Variants in NDOR1 observed in about 807,000 individuals in gnomAD.
The protein encoded by NDOR1 is NADPH-dependent diflavin oxidoreductase 1.
Under a neutral mutation model 67.2 loss-of-function variants are expected in NDOR1, and 61 were observed. The ratio of observed to expected loss-of-function variants is 0.91; its 90% confidence interval spans 0.74 to 1.12. NDOR1 has a LOEUF of 1.12. NDOR1 is among the 50% of genes most tolerant of loss of function. The pLI is 0.00. For synonymous variants in NDOR1, 378 were observed against 343.7 expected (o/e 1.10, Z -1.10); for missense variants, 878 against 802.8 (o/e 1.09, Z -1.13).
chr9:137,216,807 C>T lies in NDOR1; in HGVS notation c.*391C>T, dbSNP rs1011757662. 2.0e-5 allele frequency: 5 copies of T among 254,064 alleles called. No individual in the cohort carries two copies. Among genetic ancestry groups the T allele is most frequent in the South Asian group, 9.2e-5 (2 of 21,804 alleles). 15.7% of individuals were successfully genotyped at this position (254,064 alleles called of 1,614,324 possible). A position where few individuals can be genotyped will look rare whatever the true frequency, so the allele number is the denominator to read the frequency against. On this transcript the variant is annotated 3_prime_UTR_variant, in exon 14 of 14. Transcript: ENST00000684003. ...TGAGGCTGCGCTGCACTCCTCTGCC[C>T]TGGGGCCACCTCGGCTGCTGCAGCC... is the stretch of plus-strand genomic sequence containing the variant.
rs551074906 is a variant in NDOR1, at chr9:137,205,703, G to T, written c.-75G>T. The T allele has an allele frequency of 6.6e-4, 1,046 of 1,590,518 alleles. No homozygotes were observed. The highest frequency in any genetic ancestry group is 8.6e-4 in the Non-Finnish European group (1,011 of 1,174,198). On this transcript the variant is annotated 5_prime_UTR_variant, in exon 1 of 14. Coordinates refer to ENST00000684003, the MANE Select transcript of NDOR1 (RefSeq NM_014434.4). ...TCGACGGCGGAAGGCGGAAGGCGGA[G>T]CGGTCCCTGCAACCCGGCCGGCGGG...
rs28462315 is a variant in NDOR1 at position 137,207,593 on chromosome 9, G to A, written c.213+1284G>A. 9.4e-3 allele frequency among the ~76,000 whole-genome samples: 1,437 copies of A among 152,264 alleles called. 161 individuals are homozygous for A. The East Asian group carries it at 0.23, about 24-fold the overall frequency. On this transcript the variant is annotated intron_variant, in intron 2 of 13. Coordinates refer to ENST00000684003, the MANE Select transcript of NDOR1 (RefSeq NM_014434.4). ...AACGTTAGAGCCCAGGAGGGCAGGA[G>A]AGTGACCAAGCAGCTAGAAGAGAGG...
At position 137,215,668 on chromosome 9, in the gene NDOR1, G is replaced by A. The variant is rs759529333; in HGVS notation, c.1298G>A (p.Arg433Gln). The A allele has an allele frequency of 2.9e-5, 46 of 1,571,232 alleles. No homozygotes were observed. The highest frequency in any genetic ancestry group is 1.5e-4 in the African/African-American group (11 of 73,628). ...ASLDPGQGPV[R>Q]VPLWVRPGSL... ...CTCCTTCCTGCAATAGGACCTGTCC[G>A]GGTGCCCCTCTGGGTGCGGCCTGGG... Residue 433 changes from arginine to glutamine, a missense_variant, in exon 11 of 14, where the codon CGG becomes CAG. Arg to Gln is a conservative substitution (Grantham distance 43). Transcript: ENST00000684003.
chr9:137,215,830 G>A (rs780642612), intron 11 of NDOR1, 25 bp downstream of exon 11: 12 of 1,605,520 alleles, frequency 7.5e-6, no homozygotes, highest in Admixed American at 3.4e-5. Flanking sequence ...TCTCCGGGCA[G>A]GGTTGTTGCC....
In NDOR1 at chr9:137,212,696, C is replaced by A; in HGVS notation, c.311+97C>A. 1 of 1,149,910 alleles carries A rather than the reference C, an allele frequency of 8.7e-7. No homozygotes were observed. Among genetic ancestry groups the A allele is most frequent in the Non-Finnish European group, 1.3e-6 (1 of 767,014 alleles). The allele number at this position is 1,149,910 out of a possible 1,614,324, so 71.2% of individuals were successfully genotyped here. ...ACCGAGACCAGCTTCCAGGGTCGGC[C>A]CCTGCGCGCCTCAGGGCCCTCGCAG... On this transcript the variant is annotated intron_variant, in intron 3 of 13. Coordinates refer to ENST00000684003, the MANE Select transcript of NDOR1 (RefSeq NM_014434.4). The surrounding 1 kb of genome is among the most constrained non-coding windows in gnomAD (Gnocchi z 4.3).
In NDOR1 at chr9:137,216,534, T is replaced by G; in HGVS notation, c.*118T>G. The G allele has an allele frequency of 7.5e-7, 1 of 1,335,566 alleles. No homozygotes were observed. Among genetic ancestry groups the G allele is most frequent in the Admixed American group, 2.5e-5 (1 of 39,956 alleles). The allele number at this position is 1,335,566 out of a possible 1,614,324, so 82.7% of individuals were successfully genotyped here. A position where few individuals can be genotyped will look rare whatever the true frequency, so the allele number is the denominator to read the frequency against. Reference sequence around the variant, plus strand: ...CTCTCGGACCAGCCAGCTGGTCCTCTGGGAACAGCCAGCTCCCGAGCACAG... The same window carrying G: ...CTCTCGGACCAGCCAGCTGGTCCTCGGGGAACAGCCAGCTCCCGAGCACAG... On this transcript the variant is annotated 3_prime_UTR_variant, in exon 14 of 14. Transcript: ENST00000684003.
chr9:137,213,938 C>T, intron 4 of NDOR1, 29 bp from the exon 5 acceptor site: 1 of 1,578,324 alleles, frequency 6.3e-7, no homozygotes. Context: ...GCAGGGTCCG[C>T]TCAGGCCAGC....
At position 137,215,014 on chromosome 9, in the gene NDOR1, TG is replaced by T; in HGVS notation, c.1063del (p.Glu355ArgfsTer37). 5.0e-6 allele frequency: 8 copies of T among 1,611,924 alleles called. No homozygotes were observed. The highest frequency in any genetic ancestry group is 6.8e-6 in the Non-Finnish European group (8 of 1,178,464). ...TGCAACCGGCCCCGCAGGACCATCC[TG>T]GAGGTGAGATGGGAGGGCGGCAGGC... ...EYCNRPRRTILEVLCDFPHTA... is the reference protein window; with the variant it reads ...EYCNRPRRTIXEVLCDFPHTA... On this transcript the variant is annotated frameshift_variant, in exon 8 of 14. Transcript: ENST00000684003. LOFTEE classifies it high-confidence loss of function.
At chr9:137,215,374 G>A (rs764878669) in intron 9 of NDOR1, 33 bp from the exon 10 acceptor site, 1 of 1,599,316 alleles carries the variant, frequency 6.3e-7, no homozygotes, top group Non-Finnish European at 8.6e-7. Context: ...GGGCAGCCTT[G>A]TTCCACCACC....
Position 137,218,057 on chromosome 9 carries a change from C to T in NDOR1, c.*1641C>T. ...GGAGGGGAGAGAGCAGGCAGCAGGG[C>T]AGGGGGAAGAGGAGGAGTGCCCGAT... On this transcript the variant is annotated 3_prime_UTR_variant, in exon 14 of 14. Coordinates refer to ENST00000684003, the MANE Select transcript of NDOR1 (RefSeq NM_014434.4). 5.0e-6 allele frequency: 2 copies of T among 399,434 alleles called. No individual in the cohort carries two copies. The highest frequency in any genetic ancestry group is 6.3e-4 in the Middle Eastern group (1 of 1,594). 24.7% of individuals were successfully genotyped at this position (399,434 alleles called of 1,614,324 possible). A position where few individuals can be genotyped will look rare whatever the true frequency, so the allele number is the denominator to read the frequency against.
chr9:137,213,811 C>T lies in NDOR1; in HGVS notation c.343C>T (p.Arg115Trp), dbSNP rs1057101190. The T allele has an allele frequency of 4.3e-6, 7 of 1,612,742 alleles. No homozygotes were observed. Among genetic ancestry groups the T allele is most frequent in the South Asian group, 1.1e-5 (1 of 91,062 alleles). ...CTTCGTGGCCAAGAAGCTGCACCGA[C>T]GGCTACTGCAGCTTGGGGGCAGCGC... ...FNFVAKKLHR[R>W]LLQLGGSALL... is the part of the protein sequence containing the mutation. The change falls in exon 4 of 14, where the codon CGG becomes TGG. Residue 115 changes from arginine (R) to tryptophan (W), a missense_variant. Coordinates refer to ENST00000684003, the MANE Select transcript of NDOR1 (RefSeq NM_014434.4).
intron 2 of NDOR1, among the ~76,000 whole-genome samples, chr9:137,208,487 C>A (rs7388751): frequency 0.86 from 129,939 of 151,398 alleles, 55,743 homozygotes; most frequent in East Asian, 0.92. Flanking sequence ...AACAAACAAA[C>A]AAAAAACCAC....
At chr9:137,216,067 C>T in intron 12 of NDOR1, 27 bp from the exon 13 acceptor site, 2 of 1,613,376 alleles carry the variant, frequency 1.2e-6, no homozygotes, top group South Asian at 1.1e-5. Context: ...TCCGGCTCAG[C>T]CCCCAGCCCT....
chr9:137,215,247 C>A (rs1835498580), intron 9 of NDOR1, 45 bp downstream of exon 9: 1 of 1,584,658 alleles, frequency 6.3e-7, no homozygotes, highest in Admixed American at 1.7e-5. Context: ...CCTGGGAAAG[C>A]TGGGACCGGG....
rs1835768987 is a variant in NDOR1 at position 137,219,019 on chromosome 9, G to A, written c.*2603G>A. ...CATGAAAGCAAACAGAGATACAGCAGTGAGTCAGTTCCTTGGAGAGGGCAG... is the reference window on the plus strand; with the variant it reads ...CATGAAAGCAAACAGAGATACAGCAATGAGTCAGTTCCTTGGAGAGGGCAG... On this transcript the variant is annotated 3_prime_UTR_variant, in exon 14 of 14. Coordinates refer to ENST00000684003, the MANE Select transcript of NDOR1 (RefSeq NM_014434.4). The A allele has an allele frequency of 5.8e-6, 1 of 173,666 alleles. No individual in the cohort carries two copies. The highest frequency in any genetic ancestry group is 6.3e-5 in the Admixed American group (1 of 15,868). 10.8% of individuals were successfully genotyped at this position (173,666 alleles called of 1,614,324 possible). A position where few individuals can be genotyped will look rare whatever the true frequency, so the allele number is the denominator to read the frequency against.
Position 137,215,392 on chromosome 9 carries a change from CG to C in NDOR1, c.1174-14del. ...CAGCCTTGTTCCACCACCCCCACCC[CG>C]CCGTCCTCCCCAGACTCACCCCTCA... On this transcript the variant is annotated splice_polypyrimidine_tract_variant and intron_variant, in intron 9 of 13. Transcript: ENST00000684003. 1.9e-6 allele frequency: 3 copies of C among 1,600,360 alleles called. No individual in the cohort carries two copies. The highest frequency in any genetic ancestry group is 2.6e-6 in the Non-Finnish European group (3 of 1,168,406).
intron 2 of NDOR1, among the ~76,000 whole-genome samples, chr9:137,210,419 G>A (rs1358968142): frequency 6.6e-6 from 1 of 150,936 alleles, no homozygotes. Context: ...TTTTTGTAGA[G>A]ATGGGGTCTC....
At chr9:137,213,937 G>A (rs373562078) in intron 4 of NDOR1, 30 bp from the exon 5 acceptor site, 125 of 1,577,040 alleles carry the variant, frequency 7.9e-5, no homozygotes, top group South Asian at 5.5e-4. Flanking sequence ...CGCAGGGTCC[G>A]CTCAGGCCAG....
chr9:137,211,147 AG>A (rs1274350702), intron 2 of NDOR1, among the ~76,000 whole-genome samples: 1 of 152,258 alleles, frequency 6.6e-6, no homozygotes, highest in Non-Finnish European at 1.5e-5. Context: ...TCTCAAAAAA[AG>A]ATGAGAAATC....
Sources: gnomAD v4.1 joint callset for allele counts (sites outside exome capture counted in the v4.1 genomes callset) on GRCh38, gnomAD v4.1.1 for gene constraint, Gnocchi (gnomAD v3.1) non-coding constraint, MANE v1.5 for transcripts, NCBI Gene and HGNC (gene_info 2026-07-23, HGNC 2026-07-21) for gene names.